The following REEP3 variants were observed in gnomAD, a reference collection of about 807,000 sequenced individuals.
The protein encoded by REEP3 is receptor accessory protein 3.
A neutral mutation model predicts 41.3 loss-of-function variants in REEP3; 20 were observed. The ratio of observed to expected loss-of-function variants is 0.48; its 90% CI spans 0.34 to 0.70. The LOEUF is 0.70. REEP3 is among the 30% of genes least tolerant of loss of function. REEP3 has a pLI of 0.01. For missense variants in REEP3, 271 were observed against 308.8 expected (o/e 0.88, Z 0.92); for synonymous variants, 104 against 101.8 (o/e 1.02, Z -0.13).
In REEP3 at chr10:63,599,157, C is replaced by T; in HGVS notation, c.304-13C>T. 7.2e-7 allele frequency: 1 copy of T among 1,391,032 alleles called. No individual in the cohort carries two copies. The highest frequency in any genetic ancestry group is 1.0e-6 in the Non-Finnish European group (1 of 1,001,370). 86.2% of individuals were successfully genotyped at this position (1,391,032 alleles called of 1,614,324 possible). A position where few individuals can be genotyped will look rare whatever the true frequency, so the allele number is the denominator to read the frequency against. On this transcript the variant is annotated splice_polypyrimidine_tract_variant and intron_variant, in intron 4 of 7. Transcript: ENST00000373758. ...TTTTAAGTAAAACTAACATCTGTGGCTTTTTCCCCCAGGAGATTGATGATT... is the reference window on the plus strand; with the variant it reads ...TTTTAAGTAAAACTAACATCTGTGGTTTTTTCCCCCAGGAGATTGATGATT...
At chr10:63,559,917 T>C (rs958641223) in intron 1 of REEP3, among the ~76,000 whole-genome samples, 7 of 152,154 alleles carry the variant, frequency 4.6e-5, no homozygotes, top group Non-Finnish European at 1.0e-4. Flanking sequence ...TTAAATAATA[T>C]TTTTAAAGAA....
intron 2 of REEP3, among the ~76,000 whole-genome samples, chr10:63,590,618 A>G (rs1956052742): frequency 6.6e-6 from 1 of 152,266 alleles, no homozygotes; most frequent in East Asian, 1.9e-4. Context: ...TGAGCCTCCT[A>G]TAATACAAGC....
intron 2 of REEP3, among the ~76,000 whole-genome samples, chr10:63,566,906 G>A (rs776737753): frequency 2.0e-5 from 3 of 151,872 alleles, no homozygotes; most frequent in Non-Finnish European, 2.9e-5. Context: ...TTTGATTTGC[G>A]ATGAGTCCTC....
intron 1 of REEP3, among the ~76,000 whole-genome samples, chr10:63,560,972 C>T (rs1955734781): frequency 6.6e-6 from 1 of 152,122 alleles, no homozygotes; most frequent in African/African-American, 2.4e-5. Flanking sequence ...TAGTAGCAGT[C>T]CTTAAAAATG....
chr10:63,575,051 TCAC>T (rs1033373371), intron 2 of REEP3, among the ~76,000 whole-genome samples: 3 of 151,930 alleles, frequency 2.0e-5, no homozygotes, highest in African/African-American at 7.3e-5. Flanking sequence ...AGATGGGGTT[TCAC>T]CATATTGGCC....
intron 6 of REEP3, among the ~76,000 whole-genome samples, chr10:63,617,172 TC>T (rs2133435955): frequency 6.6e-6 from 1 of 152,306 alleles, no homozygotes. Context: ...CACACACACT[TC>T]CTTGGACCAC....
chr10:63,619,470 T>C (rs1222935695), intron 6 of REEP3, among the ~76,000 whole-genome samples, 185 bp from the exon 7 acceptor site: 3 of 152,316 alleles, frequency 2.0e-5, no homozygotes, highest in Middle Eastern at 3.4e-3. Flanking sequence ...AAATGAGTTA[T>C]GAGTTTCACC....
At chr10:63,570,602 A>G (rs575778321) in intron 2 of REEP3, among the ~76,000 whole-genome samples, 1 of 152,346 alleles carries the variant, frequency 6.6e-6, no homozygotes, top group South Asian at 2.1e-4. Context: ...TGAGAAGACC[A>G]GAATAATGAG....
chr10:63,615,835 A>C (rs1291923197), intron 6 of REEP3, among the ~76,000 whole-genome samples: 1 of 152,110 alleles, frequency 6.6e-6, no homozygotes, highest in East Asian at 1.9e-4. Context: ...ATGAGCCACC[A>C]CACCCAGCCT....
intron 1 of REEP3, among the ~76,000 whole-genome samples, chr10:63,545,882 A>G (rs1223397331): frequency 6.6e-6 from 1 of 151,938 alleles, no homozygotes; most frequent in African/African-American, 2.4e-5. Context: ...TTGGAATCAA[A>G]TTTTCATTTA....
At chr10:63,614,608 C>A (rs950333750) in intron 6 of REEP3, among the ~76,000 whole-genome samples, 1 of 152,090 alleles carries the variant, frequency 6.6e-6, no homozygotes, top group Non-Finnish European at 1.5e-5. Context: ...GCCAGTGTGC[C>A]GAGAGAAACT....
chr10:63,606,043 A>G (rs2133422990), intron 5 of REEP3: 1 of 631,726 alleles, frequency 1.6e-6, no homozygotes, highest in South Asian at 7.1e-5. Flanking sequence ...AAAATATTCT[A>G]CAGAATACTT....
chr10:63,564,719 G>C (rs546107276), intron 1 of REEP3, among the ~76,000 whole-genome samples: 2 of 151,442 alleles, frequency 1.3e-5, no homozygotes, highest in Admixed American at 1.3e-4. Flanking sequence ...TGATACCTAT[G>C]ATCAGCAATG....
chr10:63,557,825 G>GC (rs1488525157), intron 1 of REEP3, among the ~76,000 whole-genome samples: 1 of 152,140 alleles, frequency 6.6e-6, no homozygotes, highest in Non-Finnish European at 1.5e-5. Flanking sequence ...ATATAAATAT[G>GC]CCAGTTCTGA....
rs991981229 is a variant in REEP3, at chr10:63,598,392, G to C, written c.303+248G>C. 2.0e-5 allele frequency among the ~76,000 whole-genome samples: 3 copies of C among 148,204 alleles called. No individual in the cohort carries two copies. In the Admixed American group the frequency reaches 2.1e-4, roughly 10 times the overall value. On this transcript the variant is annotated intron_variant, in intron 4 of 7. Transcript: ENST00000373758. ...CCGGTTAGTCAGGAGGCTGAGGCAG[G>C]AGAATCGCTTGAACCCAGGAGACGG...
At position 63,521,444 on chromosome 10, in the gene REEP3, G is replaced by T. The variant is rs1263670958; in HGVS notation, c.-102G>T. On this transcript the variant is annotated 5_prime_UTR_variant, in exon 1 of 8. Coordinates refer to ENST00000373758, the MANE Select transcript of REEP3 (RefSeq NM_001001330.3). ...CTGAGGGCGCCAGCGCGGCCCCGGG[G>T]AGCGCGAGGAGCCGGCGAAGCGCGC... The T allele has an allele frequency of 4.0e-5, 25 of 622,226 alleles. No individual in the cohort carries two copies. Among genetic ancestry groups the T allele is most frequent in the Non-Finnish European group, 4.8e-5 (22 of 458,688 alleles). The allele number at this position is 622,226 out of a possible 1,614,324, so 38.5% of individuals were successfully genotyped here. A position where few individuals can be genotyped will look rare whatever the true frequency, so the allele number is the denominator to read the frequency against.
chr10:63,536,724 A>T (rs1326333388), intron 1 of REEP3, among the ~76,000 whole-genome samples: 1 of 152,262 alleles, frequency 6.6e-6, no homozygotes, highest in East Asian at 1.9e-4. Context: ...ATAGAAGAGG[A>T]AACCAATGGC....
chr10:63,613,884 T>C (rs1393116317), intron 6 of REEP3, among the ~76,000 whole-genome samples: 1 of 152,214 alleles, frequency 6.6e-6, no homozygotes. Flanking sequence ...TCCCTGTGAA[T>C]ATTTTTATAA....
intron 2 of REEP3, among the ~76,000 whole-genome samples, chr10:63,568,228 C>G (rs1164037553): frequency 6.6e-6 from 1 of 151,100 alleles, no homozygotes; most frequent in African/African-American, 2.4e-5. Context: ...GGTACAGGAC[C>G]ACTTTTGTTT....
Sources: allele counts gnomAD v4.1 joint callset (sites outside exome capture counted in the v4.1 genomes callset), GRCh38; gene constraint gnomAD v4.1.1; transcripts MANE v1.5; gene names NCBI Gene and HGNC (gene_info 2026-07-23, HGNC 2026-07-21).